Variants in PTPRD observed in about 807,000 individuals in gnomAD.
PTPRD encodes the protein protein tyrosine phosphatase receptor type D, also known as receptor-type tyrosine-protein phosphatase delta.
A neutral mutation model predicts 214.5 loss-of-function variants in PTPRD; 34 were observed. The observed-to-expected ratio is 0.16, with a 90% CI of 0.12 to 0.21. The LOEUF is 0.21. PTPRD is among the 10% of genes least tolerant of loss of function. The pLI is 1.00. For missense variants in PTPRD, 2,545 were observed against 2,398.7 expected (o/e 1.06, Z -1.27); for synonymous variants, 1,128 against 845.7 (o/e 1.33, Z -5.79).
At chr9:10,257,394 C>T (rs897573081) in intron 3 of PTPRD, among the ~76,000 whole-genome samples, 6 of 152,112 alleles carry the variant, frequency 3.9e-5, no homozygotes, top group African/African-American at 1.2e-4. Context: ...CTATGGCAAA[C>T]CAGGGGCATC....
In PTPRD at chr9:10,563,914, T is replaced by A. The variant is rs1036688844; in HGVS notation, c.-600+48484A>T. 2.6e-5 allele frequency among the ~76,000 whole-genome samples: 4 copies of A among 151,904 alleles called. No homozygotes were observed. In the East Asian group the frequency reaches 7.7e-4, roughly 29 times the overall value. On this transcript the variant is annotated intron_variant, in intron 2 of 45. Transcript: ENST00000381196. ...ACATGTCCTGTGTAAATAAGATCTA[T>A]AAAATTATGTTTGATAGAAAAGACA...
chr9:9,137,755 T>C (rs970125635), intron 10 of PTPRD, among the ~76,000 whole-genome samples: 3 of 152,170 alleles, frequency 2.0e-5, no homozygotes, highest in Admixed American at 6.5e-5. Flanking sequence ...CTGACAGTTG[T>C]ATATTACAGC....
At chr9:8,871,893 T>C (rs1263284024) in intron 11 of PTPRD, among the ~76,000 whole-genome samples, 3 of 152,118 alleles carry the variant, frequency 2.0e-5, no homozygotes, top group Non-Finnish European at 4.4e-5. Flanking sequence ...AATGAAGATA[T>C]TTGGCTGTAG....
intron 4 of PTPRD, among the ~76,000 whole-genome samples, chr9:10,031,647 T>TACACACACACACACACAC (rs1555494944): frequency 9.8e-4 from 88 of 89,376 alleles, no homozygotes; most frequent in South Asian, 1.3e-3. Context: ...TATATATATA[T>TACACACACACACACACAC]ACACACACAC....
At chr9:9,632,893 A>T (rs1030858367) in intron 7 of PTPRD, among the ~76,000 whole-genome samples, 3 of 152,214 alleles carry the variant, frequency 2.0e-5, no homozygotes, top group Non-Finnish European at 4.4e-5. Flanking sequence ...TTAGGTTTGA[A>T]TGAAGAGAGA....
chr9:8,611,753 G>A (rs377569089), intron 14 of PTPRD, among the ~76,000 whole-genome samples: 2 of 132,334 alleles, frequency 1.5e-5, no homozygotes, highest in South Asian at 2.5e-4. Flanking sequence ...GAAAAGAAAA[G>A]AGAAAAGAAA....
intron 4 of PTPRD, among the ~76,000 whole-genome samples, chr9:10,006,123 T>C (rs2096468212): frequency 6.6e-6 from 1 of 151,664 alleles, no homozygotes; most frequent in Admixed American, 6.6e-5. Context: ...TGCTTTTCAT[T>C]TTTAGATTTC....
At chr9:10,052,266 G>A (rs1176080593) in intron 3 of PTPRD, among the ~76,000 whole-genome samples, 3 of 152,104 alleles carry the variant, frequency 2.0e-5, no homozygotes, top group Admixed American at 1.3e-4. Flanking sequence ...CCTACTAACA[G>A]AATAAAGTAG....
At chr9:9,640,443 T>A (rs1033290732) in intron 7 of PTPRD, among the ~76,000 whole-genome samples, 1 of 152,208 alleles carries the variant, frequency 6.6e-6, no homozygotes, top group Non-Finnish European at 1.5e-5. Flanking sequence ...ATCTCTATAT[T>A]CTGCCCTGCC....
At chr9:9,108,180 A>C (rs1474680127) in intron 10 of PTPRD, among the ~76,000 whole-genome samples, 1 of 152,120 alleles carries the variant, frequency 6.6e-6, no homozygotes, top group African/African-American at 2.4e-5. Flanking sequence ...TAAAACTTAT[A>C]TTATTTACGT....
At chr9:9,552,827 AG>A (rs1313215699) in intron 8 of PTPRD, among the ~76,000 whole-genome samples, 2 of 152,082 alleles carry the variant, frequency 1.3e-5, no homozygotes, top group Non-Finnish European at 2.9e-5. Context: ...ACAATTGAAA[AG>A]TCATTTGCTG....
rs375222524 is a variant in PTPRD at position 8,436,581 on chromosome 9, C to G, written c.4086+11G>C. 1.3e-6 allele frequency: 2 copies of G among 1,588,184 alleles called. No individual in the cohort carries two copies. Among genetic ancestry groups the G allele is most frequent in the Non-Finnish European group, 1.7e-6 (2 of 1,157,394 alleles). On this transcript the variant is annotated intron_variant, in intron 35 of 45. Transcript: ENST00000381196. ...TTGAAATTACTGTAAAGAATAAACA[C>G]AGTGAATTACCTCATATTCCTGGGA...
intron 10 of PTPRD, among the ~76,000 whole-genome samples, chr9:9,111,576 A>G (rs1362608334): frequency 6.6e-6 from 1 of 152,140 alleles, no homozygotes; most frequent in African/African-American, 2.4e-5. Context: ...AAAAGTAGTA[A>G]CTATCAGATT....
intron 11 of PTPRD, among the ~76,000 whole-genome samples, chr9:8,890,162 C>A (rs1019106802): frequency 1.3e-5 from 2 of 152,070 alleles, no homozygotes; most frequent in Admixed American, 1.3e-4. Context: ...ATATTCTCAT[C>A]AAAAATATAT....
At chr9:8,801,491 C>G (rs1013083877) in intron 11 of PTPRD, among the ~76,000 whole-genome samples, 2 of 152,032 alleles carry the variant, frequency 1.3e-5, no homozygotes, top group African/African-American at 2.4e-5. Flanking sequence ...CTGAGGCGGG[C>G]GGACCACCTG....
intron 5 of PTPRD, among the ~76,000 whole-genome samples, chr9:9,895,184 T>A (rs552047828): frequency 6.6e-5 from 10 of 152,152 alleles, no homozygotes; most frequent in Admixed American, 1.3e-4. Flanking sequence ...ACTCAAAAGA[T>A]GCATTTGGGT....
chr9:8,913,725 G>C (rs1469510876), intron 11 of PTPRD, among the ~76,000 whole-genome samples: 1 of 152,056 alleles, frequency 6.6e-6, no homozygotes, highest in Non-Finnish European at 1.5e-5. Context: ...AGAGTGACTA[G>C]AAAGAGTGAA....
intron 10 of PTPRD, among the ~76,000 whole-genome samples, chr9:9,181,005 T>C (rs1262779625): frequency 6.6e-6 from 1 of 152,062 alleles, no homozygotes; most frequent in African/African-American, 2.4e-5. Flanking sequence ...TGGCTCAGAG[T>C]TCCGTCTTCG....
At chr9:8,399,538 T>C (rs978776823) in intron 36 of PTPRD, among the ~76,000 whole-genome samples, 1 of 151,642 alleles carries the variant, frequency 6.6e-6, no homozygotes, top group Non-Finnish European at 1.5e-5. Context: ...TTTCCCAATA[T>C]ACCTTAAAAC....
Sources: allele counts gnomAD v4.1 joint callset (sites outside exome capture counted in the v4.1 genomes callset), GRCh38; gene constraint gnomAD v4.1.1; transcripts MANE v1.5; gene names NCBI Gene and HGNC (gene_info 2026-07-23, HGNC 2026-07-21).